CLVS1: variants seen among roughly 807,000 people sequenced by gnomAD.
The protein encoded by CLVS1 is clavesin-1.
Under a neutral mutation model 33.1 loss-of-function variants are expected in CLVS1, and 10 were observed. The observed-to-expected ratio is 0.30, with a 90% CI of 0.19 to 0.51. The LOEUF is 0.51. Among genes scored for constraint, CLVS1 ranks in the 20% least tolerant of loss-of-function variants. CLVS1 has a pLI of 0.97. For synonymous variants in CLVS1, 163 were observed against 166.1 expected, an observed-to-expected ratio of 0.98 and a Z score of 0.14; for missense variants, 343 against 433.4, an observed-to-expected ratio of 0.79 and a Z score of 1.85.
At chr8:61,321,886 A>C (rs1811204567) in intron 2 of CLVS1, among the ~76,000 whole-genome samples, 1 of 152,036 alleles carries the variant, frequency 6.6e-6, no homozygotes, top group Admixed American at 6.6e-5. Flanking sequence ...TACCTTGACC[A>C]CTCAAGTTAG....
intron 2 of CLVS1, among the ~76,000 whole-genome samples, chr8:61,360,991 C>A (rs1006272336): frequency 1.3e-5 from 2 of 152,002 alleles, no homozygotes; most frequent in Non-Finnish European, 2.9e-5. Flanking sequence ...AGGAAACTTA[C>A]AATCATGGTG....
At chr8:61,295,986 T>C (rs1810193481) in intron 1 of CLVS1, among the ~76,000 whole-genome samples, 2 of 152,314 alleles carry the variant, frequency 1.3e-5, no homozygotes, top group African/African-American at 4.8e-5. Context: ...GTTGTACAAG[T>C]TCAATGTATC....
Position 61,269,198 on chromosome 8 carries a change from G to A in CLVS1, c.-151-30479G>A, listed in dbSNP as rs867115494. On this transcript the variant is annotated intron_variant, in intron 2 of 2. Coordinates refer to the CLVS1 transcript ENST00000522621. ...CCATCTTGAATTGATTTTTGTATAA[G>A]GTGTAAGGAAGGGATCCAGTTTCAG... 7.3e-3 allele frequency among the ~76,000 whole-genome samples: 1,110 copies of A among 151,298 alleles called. 9 individuals are homozygous for A. The highest frequency in any genetic ancestry group is 0.012 in the Non-Finnish European group (795 of 67,804).
rs73685746 is a variant in CLVS1 at position 61,141,431 on chromosome 8, T to C, written c.-152+9571T>C. Among the ~76,000 whole-genome samples the C allele has an allele frequency of 7.6e-3, 1,162 of 152,296 alleles. 16 individuals carry two copies. The highest frequency in any genetic ancestry group is 0.025 in the African/African-American group (1,056 of 41,550). On this transcript the variant is annotated intron_variant, in intron 2 of 2. Coordinates refer to the CLVS1 transcript ENST00000522621. ...TACACACACATATTTATTTCTATAT[T>C]TATCTGTAAGTTGAATACTGGCTCC...
chr8:61,159,678 G>T (rs1384338825), intron 2 of CLVS1, among the ~76,000 whole-genome samples: 1 of 152,186 alleles, frequency 6.6e-6, no homozygotes, highest in Non-Finnish European at 1.5e-5. Flanking sequence ...AATATGAAAT[G>T]TCATGAGTCA....
chr8:61,433,710 A>G (rs1463637686), intron 3 of CLVS1, among the ~76,000 whole-genome samples: 1 of 151,818 alleles, frequency 6.6e-6, no homozygotes, highest in Non-Finnish European at 1.5e-5. Context: ...GAAGTTGGAA[A>G]TGGGACGAGC....
At chr8:61,161,925 T>C (rs147896677) in intron 2 of CLVS1, among the ~76,000 whole-genome samples, 2,504 of 152,232 alleles carry the variant, frequency 0.016, 30 homozygotes, top group African/African-American at 0.024. Flanking sequence ...TACCTGACAA[T>C]TATACCTCAA....
intron 3 of CLVS1, among the ~76,000 whole-genome samples, chr8:61,433,408 T>C (rs1441849499): frequency 2.0e-5 from 3 of 152,238 alleles, no homozygotes; most frequent in Non-Finnish European, 2.9e-5. Context: ...AAATTACAGC[T>C]ACCTGTTTGT....
chr8:60,970,378 C>T, the CLVS1 span, among the ~76,000 whole-genome samples: 60 of 152,236 alleles, frequency 3.9e-4, no homozygotes, highest in African/African-American at 1.2e-4. Flanking sequence ...TATTGTTCTA[C>T]TGTGTTGAAG....
the CLVS1 span, among the ~76,000 whole-genome samples, chr8:61,051,012 T>G: frequency 6.6e-6 from 1 of 152,212 alleles, no homozygotes; most frequent in Non-Finnish European, 1.5e-5. Context: ...TGACCTCCTC[T>G]GATCCCATCA....
chr8:61,101,345 T>C (rs1395367535), intron 1 of CLVS1, among the ~76,000 whole-genome samples: 1 of 152,198 alleles, frequency 6.6e-6, no homozygotes, highest in Non-Finnish European at 1.5e-5. Flanking sequence ...AGCATCTTTT[T>C]ATGTGCTTAT....
chr8:61,496,106 T>C (rs10504326), intron 5 of CLVS1, among the ~76,000 whole-genome samples: 83,401 of 152,072 alleles, frequency 0.55, 26,464 homozygotes, highest in Non-Finnish European at 0.71. Flanking sequence ...CTCAAGTTAG[T>C]TATGTTCAAG....
Position 61,182,690 on chromosome 8 carries a change from C to T in CLVS1, c.-152+50830C>T, listed in dbSNP as rs182217222. ...AAAGTCAAGAAACAACAGATGCTGACGAGGCTGTGGAATGTAAATTAGTTC... is the reference window on the plus strand; with the variant it reads ...AAAGTCAAGAAACAACAGATGCTGATGAGGCTGTGGAATGTAAATTAGTTC... On this transcript the variant is annotated intron_variant, in intron 2 of 2. Transcript: ENST00000522621. 5.1e-3 allele frequency among the ~76,000 whole-genome samples: 777 copies of T among 152,116 alleles called. 2 individuals are homozygous for T. The highest frequency in any genetic ancestry group is 8.8e-3 in the Non-Finnish European group (596 of 67,952).
At chr8:61,006,165 G>A in the CLVS1 span, among the ~76,000 whole-genome samples, 2 of 152,216 alleles carry the variant, frequency 1.3e-5, no homozygotes, top group Admixed American at 1.3e-4. Context: ...CACTTGAAGG[G>A]AGGGAAGGGA....
At chr8:61,241,512 A>G (rs1015825121) in intron 2 of CLVS1, among the ~76,000 whole-genome samples, 7 of 152,192 alleles carry the variant, frequency 4.6e-5, no homozygotes, top group Admixed American at 3.9e-4. Flanking sequence ...TTAGGGTTAA[A>G]GATTGTACCA....
intron 2 of CLVS1, among the ~76,000 whole-genome samples, chr8:61,232,022 G>GTTTTTTTTTTTTTTTTTTTTTTT (rs376185436): frequency 4.3e-5 from 5 of 117,072 alleles, no homozygotes; most frequent in East Asian, 3.5e-4. Flanking sequence ...GGAAAGTTGT[G>GTTTTTTTTTTTTTTTTTTTTTTT]GTTTTTTTTT....
intron 2 of CLVS1, among the ~76,000 whole-genome samples, chr8:61,265,141 G>T (rs553875745): frequency 6.6e-6 from 1 of 152,166 alleles, no homozygotes; most frequent in Non-Finnish European, 1.5e-5. Context: ...TCACATGGAT[G>T]TATGATAGGC....
At chr8:61,016,527 C>T in the CLVS1 span, among the ~76,000 whole-genome samples, 2 of 152,218 alleles carry the variant, frequency 1.3e-5, no homozygotes, top group Non-Finnish European at 2.9e-5. Flanking sequence ...TCCACCAAAC[C>T]TAGGGACTTT....
chr8:61,460,135 C>T (rs1817321933), intron 5 of CLVS1, among the ~76,000 whole-genome samples: 2 of 152,046 alleles, frequency 1.3e-5, no homozygotes. Context: ...GACTTCAGCC[C>T]ATAGCATATT....
Sources: allele counts gnomAD v4.1 joint callset (sites outside exome capture counted in the v4.1 genomes callset), GRCh38; gene constraint gnomAD v4.1.1; transcripts MANE v1.5; gene names NCBI Gene and HGNC (gene_info 2026-07-23, HGNC 2026-07-21).